The following WBP4 variants were observed in gnomAD, a reference collection of about 807,000 sequenced individuals.
WBP4 encodes the protein WW domain binding protein 4.
WBP4 carries 37 observed loss-of-function variants against 55.4 expected under a neutral mutation model. That is an observed-to-expected ratio of 0.67 (90% confidence interval 0.51 to 0.88). The LOEUF (loss-of-function observed/expected upper bound fraction) is 0.88. Ranked by LOEUF, WBP4 falls within the 40% of genes least tolerant of loss-of-function variation. WBP4 has a pLI of 0.00. For synonymous variants in WBP4, 142 were observed against 140.2 expected (o/e 1.01, Z -0.09); for missense variants, 398 against 420.8 (o/e 0.95, Z 0.47).
At chr13:41,079,605 A>G (rs1197323405) in intron 8 of WBP4, among the ~76,000 whole-genome samples, 2 of 152,016 alleles carry the variant, frequency 1.3e-5, no homozygotes, top group Non-Finnish European at 2.9e-5. Context: ...AGAAAGGGAA[A>G]CACTTATACA....
chr13:41,063,096 A>G (rs1205126345), intron 2 of WBP4, among the ~76,000 whole-genome samples: 2 of 152,238 alleles, frequency 1.3e-5, no homozygotes, highest in East Asian at 3.8e-4. Context: ...TTTGTGGTCT[A>G]GAAATAATCA....
At chr13:41,080,904 G>A in intron 9 of WBP4, 95 bp downstream of exon 9, 1 of 1,355,442 alleles carries the variant, frequency 7.4e-7, no homozygotes, top group Non-Finnish European at 1.0e-6. Context: ...AGGATGCTGT[G>A]CTTATTAAAA....
chr13:41,063,870 A>T (rs919906824), intron 2 of WBP4, among the ~76,000 whole-genome samples: 4 of 152,230 alleles, frequency 2.6e-5, no homozygotes, highest in African/African-American at 9.6e-5. Context: ...GTAGTATTTT[A>T]AAATAGCTCA....
At chr13:41,064,908 ATTCAT>A in intron 2 of WBP4, 103 bp from the exon 3 acceptor site, 3 of 1,041,132 alleles carry the variant, frequency 2.9e-6, no homozygotes, top group Non-Finnish European at 2.7e-6. Context: ...CTTTTCTGCC[ATTCAT>A]TTTAATTTTA....
Position 41,064,335 on chromosome 13 carries a change from G to C in WBP4, c.76-681G>C, listed in dbSNP as rs759608718. On this transcript the variant is annotated intron_variant, in intron 2 of 9. Transcript: ENST00000379487. ...ATACCGTATTGTTATTGCAAACAGT[G>C]CTGCAGTCAGTAAGCTTGTGTATAT... 8.8e-4 allele frequency among the ~76,000 whole-genome samples: 134 copies of C among 152,184 alleles called. 1 individual carries two copies. The highest frequency in any genetic ancestry group is 6.8e-3 in the Middle Eastern group (2 of 294).
At chr13:41,076,681 C>T (rs567393222) in intron 8 of WBP4, among the ~76,000 whole-genome samples, 1 of 152,260 alleles carries the variant, frequency 6.6e-6, no homozygotes, top group Non-Finnish European at 1.5e-5. Flanking sequence ...CGGGAACACT[C>T]AGGAGCCCAT....
At position 41,065,079 on chromosome 13, in the gene WBP4, G is replaced by GT; in HGVS notation, c.138+2dup. 1 of 1,600,948 alleles carries GT rather than the reference G, an allele frequency of 6.2e-7. No individual in the cohort carries two copies. Among genetic ancestry groups the GT allele is most frequent in the South Asian group, 1.1e-5 (1 of 87,306 alleles). Reference sequence around the variant, plus strand: ...AAATGTGGCAAAAAGGATCAGTGAGGTAATTTAGATTGTTTATTTGCTAAT... The same window carrying GT: ...AAATGTGGCAAAAAGGATCAGTGAGGTTAATTTAGATTGTTTATTTGCTAAT... On this transcript the variant is annotated splice_donor_variant, in intron 3 of 9. Coordinates refer to ENST00000379487, the MANE Select transcript of WBP4 (RefSeq NM_007187.5). LOFTEE classifies it high-confidence loss of function.
At chr13:41,062,377 G>A in intron 1 of WBP4, 1 of 852,200 alleles carries the variant, frequency 1.2e-6, no homozygotes, top group Non-Finnish European at 1.4e-6. Flanking sequence ...TTTTCATAAC[G>A]ATGACGATAA....
chr13:41,082,684 TACTTTA>T lies in WBP4; in HGVS notation c.921-16_921-11del, dbSNP rs1878834168. 6.2e-7 allele frequency: 1 copy of T among 1,606,912 alleles called. No individual in the cohort carries two copies. Among genetic ancestry groups the T allele is most frequent in the African/African-American group, 1.3e-5 (1 of 74,708 alleles). ...TGTCTTACCCTGTCAAATAGAGTTTTACTTTAACTCTATTTCCAGTGAGGAGGTAGA... is the reference window on the plus strand; with the variant it reads ...TGTCTTACCCTGTCAAATAGAGTTTTACTCTATTTCCAGTGAGGAGGTAGA... On this transcript the variant is annotated splice_polypyrimidine_tract_variant and intron_variant, in intron 9 of 9. Coordinates refer to ENST00000379487, the MANE Select transcript of WBP4 (RefSeq NM_007187.5).
intron 8 of WBP4, among the ~76,000 whole-genome samples, chr13:41,078,742 G>A (rs1053239782): frequency 3.9e-5 from 6 of 151,996 alleles, no homozygotes; most frequent in East Asian, 1.9e-4. Context: ...CAGGAGAATC[G>A]CTTGAACCTG....
At chr13:41,082,073 A>C (rs1472886488) in intron 9 of WBP4, among the ~76,000 whole-genome samples, 2 of 152,172 alleles carry the variant, frequency 1.3e-5, no homozygotes, top group African/African-American at 4.8e-5. Flanking sequence ...GGACCACTCA[A>C]CTGATTATTT....
Position 41,065,160 on chromosome 13 carries a change from A to G in WBP4, c.139-4A>G. The G allele has an allele frequency of 2.5e-6, 4 of 1,610,064 alleles. No individual in the cohort carries two copies. Among genetic ancestry groups the G allele is most frequent in the Admixed American group, 1.7e-5 (1 of 58,976 alleles). ...ACTTTCACTGTTATGTATGTCTTACATAGATTAAACAGAAAAGCCTGGATA... is the reference window on the plus strand; with the variant it reads ...ACTTTCACTGTTATGTATGTCTTACGTAGATTAAACAGAAAAGCCTGGATA... On this transcript the variant is annotated splice_polypyrimidine_tract_variant and splice_region_variant and intron_variant, in intron 3 of 9. Transcript: ENST00000379487.
At chr13:41,072,633 C>G (rs1456880855) in intron 6 of WBP4, 149 bp from the exon 7 acceptor site, 9 of 639,574 alleles carry the variant, frequency 1.4e-5, no homozygotes, top group Non-Finnish European at 2.2e-5. Context: ...TGGAGGATTA[C>G]AAGTCTACAT....
chr13:41,081,130 G>T (rs908297776), intron 9 of WBP4, among the ~76,000 whole-genome samples: 1 of 152,094 alleles, frequency 6.6e-6, no homozygotes, highest in African/African-American at 2.4e-5. Context: ...CCAGGAGGTG[G>T]AGGTTGCAGT....
chr13:41,082,301 T>C (rs1878817462), intron 9 of WBP4, among the ~76,000 whole-genome samples: 1 of 152,112 alleles, frequency 6.6e-6, no homozygotes, highest in Admixed American at 6.6e-5. Context: ...TTTGTAGCAA[T>C]GGGGTTTTGC....
chr13:41,065,122 A>G, intron 3 of WBP4, 42 bp from the exon 4 acceptor site: 1 of 1,601,798 alleles, frequency 6.2e-7, no homozygotes, highest in Non-Finnish European at 8.5e-7. Context: ...TGCAAATGTC[A>G]GTCCTTTATC....
intron 8 of WBP4, among the ~76,000 whole-genome samples, chr13:41,080,171 C>T (rs1878705148): frequency 6.6e-6 from 1 of 152,118 alleles, no homozygotes; most frequent in South Asian, 2.1e-4. Context: ...ATAATATATA[C>T]ATGTAAGAAA....
chr13:41,066,906 T>C (rs1877997701), intron 4 of WBP4, among the ~76,000 whole-genome samples: 1 of 152,244 alleles, frequency 6.6e-6, no homozygotes, highest in Non-Finnish European at 1.5e-5. Context: ...TGGACTGATG[T>C]ACATTTTCAT....
intron 9 of WBP4, 103 bp downstream of exon 9, chr13:41,080,912 A>G (rs1878747144): frequency 7.7e-6 from 10 of 1,300,242 alleles, no homozygotes; most frequent in Non-Finnish European, 8.6e-6. Flanking sequence ...GTGCTTATTA[A>G]AAGTATAGCT....
Sources: allele counts gnomAD v4.1 joint callset (sites outside exome capture counted in the v4.1 genomes callset), GRCh38; gene constraint gnomAD v4.1.1; transcripts MANE v1.5; gene names NCBI Gene and HGNC (gene_info 2026-07-23, HGNC 2026-07-21).